CYP2C18: variants seen among roughly 807,000 people sequenced by gnomAD.
CYP2C18 encodes cytochrome P450 2C18.
In CYP2C18, 38 loss-of-function variants were observed where a neutral mutation model predicts 41.3. That is an observed-to-expected ratio of 0.92 (90% CI 0.71 to 1.21). The LOEUF (loss-of-function observed/expected upper bound fraction) is 1.21, where lower values mean the gene tolerates loss of function less well. CYP2C18 is among the 50% of genes most tolerant of loss of function. The pLI is 0.00. For synonymous variants in CYP2C18, 236 were observed against 210.0 expected (o/e 1.12, Z -1.07); for missense variants, 635 against 591.4 (o/e 1.07, Z -0.77).
chr10:94,721,601 A>C (rs891701471), intron 6 of CYP2C18, among the ~76,000 whole-genome samples: 1 of 151,162 alleles, frequency 6.6e-6, no homozygotes, highest in African/African-American at 2.4e-5. Flanking sequence ...TTCATCCCTC[A>C]CCTCCCTCCC....
intron 3 of CYP2C18, among the ~76,000 whole-genome samples, chr10:94,689,878 C>A (rs1589791596): frequency 6.6e-6 from 1 of 152,066 alleles, no homozygotes; most frequent in Non-Finnish European, 1.5e-5. Context: ...ATGGCCACCC[C>A]TATATCCCAG....
At chr10:94,700,245 A>T (rs901038767) in intron 4 of CYP2C18, among the ~76,000 whole-genome samples, 1 of 152,224 alleles carries the variant, frequency 6.6e-6, no homozygotes, top group African/African-American at 2.4e-5. Context: ...AGGCTACAGT[A>T]AGCAAAACAG....
intron 1 of CYP2C18, 95 bp from the exon 2 acceptor site, chr10:94,687,672 TAAC>T: frequency 9.3e-7 from 1 of 1,073,290 alleles, no homozygotes; most frequent in Non-Finnish European, 1.4e-6. Context: ...AGAATAATCA[TAAC>T]AACATTATGA....
chr10:94,718,764 T>C (rs1847599551), intron 5 of CYP2C18, among the ~76,000 whole-genome samples: 1 of 152,126 alleles, frequency 6.6e-6, no homozygotes, highest in Non-Finnish European at 1.5e-5. Flanking sequence ...ATACTGGTAC[T>C]TTTTCCAGTG....
At position 94,697,060 on chromosome 10, in the gene CYP2C18, G is replaced by A. The variant is rs1472815716; in HGVS notation, c.642+1983G>A. ...AACCAAGTTGGAAAACACTCTGCAC[G>A]ATATTATCCAGGAGAACTTCCCCAA... On this transcript the variant is annotated intron_variant, in intron 4 of 8. Coordinates refer to ENST00000285979, the MANE Select transcript of CYP2C18 (RefSeq NM_000772.3). 2.6e-5 allele frequency among the ~76,000 whole-genome samples: 4 copies of A among 152,326 alleles called. No homozygotes were observed. The East Asian group carries it at 5.8e-4, about 22-fold the overall frequency.
intron 5 of CYP2C18, among the ~76,000 whole-genome samples, chr10:94,719,724 G>T (rs11813545): frequency 1.6e-4 from 25 of 151,896 alleles, no homozygotes; most frequent in African/African-American, 5.6e-4. Flanking sequence ...ACAGGCGCAT[G>T]CCATCACGCC....
Position 94,695,317 on chromosome 10 carries a change from G to T in CYP2C18, c.642+240G>T, listed in dbSNP as rs139104518. ...TACCCCCAATCACCCAACAGGCCCT[G>T]GTGTGTGATGTTCCCCTCCCTGTGC... On this transcript the variant is annotated intron_variant, in intron 4 of 8. Transcript: ENST00000285979. Among the ~76,000 whole-genome samples, 513 of 152,030 alleles carry T rather than the reference G, an allele frequency of 3.4e-3. 2 individuals carry two copies. The highest frequency in any genetic ancestry group is 0.012 in the African/African-American group (497 of 41,456).
intron 1 of CYP2C18, among the ~76,000 whole-genome samples, chr10:94,685,034 TA>T (rs1401267228): frequency 6.7e-6 from 1 of 150,364 alleles, no homozygotes; most frequent in Non-Finnish European, 1.5e-5. Flanking sequence ...TTTAATTAAT[TA>T]ATTAATTAAT....
At chr10:94,708,472 G>C (rs974506033) in intron 5 of CYP2C18, among the ~76,000 whole-genome samples, 4 of 152,066 alleles carry the variant, frequency 2.6e-5, no homozygotes, top group African/African-American at 7.2e-5. Flanking sequence ...TAAGGTCTAT[G>C]GTGTTTCAGT....
intron 5 of CYP2C18, among the ~76,000 whole-genome samples, chr10:94,716,284 A>T (rs1456317632): frequency 3.3e-5 from 5 of 152,054 alleles, no homozygotes; most frequent in South Asian, 2.1e-4. Context: ...TAGGGTGTCA[A>T]TTTTAGATCT....
Position 94,706,943 on chromosome 10 carries a change from C to A in CYP2C18, c.802C>A (p.Leu268Met), listed in dbSNP as rs141829322. 6.2e-7 allele frequency: 1 copy of A among 1,608,156 alleles called. No individual in the cohort carries two copies. Among genetic ancestry groups the A allele is most frequent in the Non-Finnish European group, 8.5e-7 (1 of 1,178,298 alleles). The change falls in exon 5 of 9, where the codon CTG (leucine) becomes ATG (methionine). Residue 268 changes from leucine to methionine, a missense_variant. Physicochemically the swap from Leu to Met is conservative, Grantham distance 15 (BLOSUM62 2). Transcript: ENST00000285979. The stretch of plus-strand genomic sequence containing the variant: ...TGCTCGGGACTTTATTGATTGTTTC[C>A]TGATCAAAATGGAACAGGTAAAATG... ...NSARDFIDCF[L>M]IKMEQEKHNQ...
rs149450201 is a variant in CYP2C18, at chr10:94,695,062, C to T, written c.627C>T (p.Ser209=). ...TCAATGAAAACCTCAGGATTCTGAG[C>T]TCTCCATGGATCCAGGTGAGATCAA... ...EKFNENLRIL[S]SPWIQVCNNF... is the part of the protein sequence containing the mutation. The change falls in exon 4 of 9, where the codon AGC becomes AGT. Residue 209 remains serine (S), a synonymous_variant. Coordinates refer to ENST00000285979, the MANE Select transcript of CYP2C18 (RefSeq NM_000772.3). 2.8e-5 allele frequency: 45 copies of T among 1,612,168 alleles called. No individual in the cohort carries two copies. The African/African-American group carries it at 3.2e-4, about 11-fold the overall frequency.
At chr10:94,718,639 G>T (rs1847596101) in intron 5 of CYP2C18, among the ~76,000 whole-genome samples, 2 of 152,086 alleles carry the variant, frequency 1.3e-5, no homozygotes, top group African/African-American at 2.4e-5. Context: ...GCAGCAATTT[G>T]CAGGACATGC....
At chr10:94,734,673 A>G (rs923590104) in intron 8 of CYP2C18, among the ~76,000 whole-genome samples, 1 of 152,124 alleles carries the variant, frequency 6.6e-6, no homozygotes, top group African/African-American at 2.4e-5. Context: ...ATATGCCTAG[A>G]GCTGAGAGTG....
chr10:94,732,375 A>G (rs1255515989), intron 7 of CYP2C18, among the ~76,000 whole-genome samples: 1 of 152,176 alleles, frequency 6.6e-6, no homozygotes, highest in Non-Finnish European at 1.5e-5. Flanking sequence ...TCTTGGTGGG[A>G]ATGTAAATTA....
chr10:94,695,111 T>C, intron 4 of CYP2C18, 34 bp downstream of exon 4: 1 of 1,553,310 alleles, frequency 6.4e-7, no homozygotes, highest in Non-Finnish European at 8.7e-7. Context: ...TGAGATATTA[T>C]TTTTGTTATT....
chr10:94,735,545 G>A lies in CYP2C18; in HGVS notation c.*101G>A. 1 of 1,184,124 alleles carries A rather than the reference G, an allele frequency of 8.4e-7. No homozygotes were observed. Among genetic ancestry groups the A allele is most frequent in the South Asian group, 1.4e-5 (1 of 73,012 alleles). The allele number at this position is 1,184,124 out of a possible 1,614,324, so 73.4% of individuals were successfully genotyped here. ...TCTCTCTGTGAGGGATATTTTCTCT[G>A]ACTTGTCAATCCACATCTTCCCATT... On this transcript the variant is annotated 3_prime_UTR_variant, in exon 9 of 9. Transcript: ENST00000285979.
chr10:94,703,766 G>C (rs1847286233), intron 4 of CYP2C18, among the ~76,000 whole-genome samples: 1 of 152,144 alleles, frequency 6.6e-6, no homozygotes, highest in South Asian at 2.1e-4. Context: ...CTGGAATTCA[G>C]GTGCCACTGG....
At chr10:94,723,084 A>G (rs1483514493) in intron 6 of CYP2C18, among the ~76,000 whole-genome samples, 1 of 152,170 alleles carries the variant, frequency 6.6e-6, no homozygotes, top group Non-Finnish European at 1.5e-5. Context: ...AGGATCAGGA[A>G]TCAGAATGGC....
Sources: allele counts gnomAD v4.1 joint callset (sites outside exome capture counted in the v4.1 genomes callset), GRCh38; gene constraint gnomAD v4.1.1; transcripts MANE v1.5; gene names NCBI Gene and HGNC (gene_info 2026-07-23, HGNC 2026-07-21).